Variants in CD99L2 observed in about 807,000 individuals in gnomAD.
The protein encoded by CD99L2 is CD99 antigen-like protein 2.
CD99L2 carries 24 observed loss-of-function variants against 27.3 expected under a neutral mutation model. That is an observed-to-expected ratio of 0.88 (90% CI 0.64 to 1.24). The LOEUF (loss-of-function observed/expected upper bound fraction) is 1.24, where lower values mean the gene tolerates loss of function less well. CD99L2 is among the 50% of genes most tolerant of loss of function. The pLI is 0.00. For synonymous variants in CD99L2, 97 were observed against 87.9 expected (o/e 1.10, Z -0.58); for missense variants, 255 against 221.6 (o/e 1.15, Z -0.96).
chrX:150,770,045 CGGACGAATCAAGGGCA>C (rs2043413385), intron 10 of CD99L2, among the ~76,000 whole-genome samples: 1 of 112,885 alleles, frequency 8.9e-6, no homozygotes, highest in South Asian at 3.6e-4. Context: ...CTGGCTCGGA[CGGACGAATCAAGGGCA>C]GGGGCCGAGC....
At chrX:150,885,696 G>C (rs917773900) in intron 1 of CD99L2, among the ~76,000 whole-genome samples, 1 of 111,911 alleles carries the variant, frequency 8.9e-6, no homozygotes, top group Non-Finnish European at 1.9e-5. Flanking sequence ...GTCTACCGGA[G>C]GGTATATAAT....
chrX:150,778,339 G>A (rs139754986), intron 7 of CD99L2, among the ~76,000 whole-genome samples: 25 of 109,704 alleles, frequency 2.3e-4, no homozygotes, highest in East Asian at 1.4e-3. Flanking sequence ...CCCAGAGCCC[G>A]GGGTTCTCAG....
chrX:150,803,543 T>C, intron 4 of CD99L2, among the ~76,000 whole-genome samples: 1 of 112,129 alleles, frequency 8.9e-6, no homozygotes, highest in Non-Finnish European at 1.9e-5. Flanking sequence ...GCTGAATTTA[T>C]AGTTATAGTA....
rs1402582920 is a variant in CD99L2, at chrX:150,768,840, C to G, written c.*194G>C. 1.1e-6 allele frequency: 1 copy of G among 944,541 alleles called. No individual in the cohort carries two copies. The highest frequency in any genetic ancestry group is 5.7e-5 in the Admixed American group (1 of 17,687). The allele number at this position is 944,541 out of a possible 1,213,427, so 77.8% of individuals were successfully genotyped here. ...CAGAGCTGGCTCTTGAATTTCGGCA[C>G]CAAGTCTCAGCACGCTTGGGGCAGG... On this transcript the variant is annotated 3_prime_UTR_variant, in exon 11 of 11. Coordinates refer to ENST00000370377, the MANE Select transcript of CD99L2 (RefSeq NM_031462.4).
At chrX:150,805,064 C>T (rs2045974136) in intron 4 of CD99L2, among the ~76,000 whole-genome samples, 1 of 111,203 alleles carries the variant, frequency 9.0e-6, no homozygotes, top group African/African-American at 3.3e-5. Flanking sequence ...TAAAACTCTA[C>T]TAAAAATACA....
intron 6 of CD99L2, among the ~76,000 whole-genome samples, chrX:150,794,968 A>G (rs1359465887): frequency 8.9e-6 from 1 of 112,891 alleles, no homozygotes; most frequent in Non-Finnish European, 1.9e-5. Flanking sequence ...ATTGATTAAT[A>G]AAGTCTTTCA....
At chrX:150,846,442 C>T (rs2046705015) in intron 1 of CD99L2, among the ~76,000 whole-genome samples, 1 of 111,002 alleles carries the variant, frequency 9.0e-6, no homozygotes, top group Non-Finnish European at 1.9e-5. Flanking sequence ...CTTAACAGCG[C>T]TATACCTCAG....
chrX:150,857,219 C>G (rs67074337), intron 1 of CD99L2, among the ~76,000 whole-genome samples: 1 of 111,096 alleles, frequency 9.0e-6, no homozygotes, highest in African/African-American at 3.3e-5. Flanking sequence ...ATGAAAACTT[C>G]CCATGCCTAG....
chrX:150,826,192 T>C (rs2046364628), intron 2 of CD99L2, among the ~76,000 whole-genome samples: 1 of 111,881 alleles, frequency 8.9e-6, no homozygotes, highest in East Asian at 2.8e-4. Context: ...TGCCAGCACC[T>C]TGATCTTGGA....
intron 7 of CD99L2, among the ~76,000 whole-genome samples, chrX:150,778,171 T>A (rs782589128): frequency 9.1e-6 from 1 of 109,733 alleles, no homozygotes; most frequent in African/African-American, 3.3e-5. Context: ...GAGAGTTAAA[T>A]TCACACACGC....
chrX:150,896,000 T>C (rs1418648186), intron 1 of CD99L2, among the ~76,000 whole-genome samples: 4 of 86,905 alleles, frequency 4.6e-5, no homozygotes, highest in African/African-American at 1.9e-4. Context: ...CACTCTAGTC[T>C]GGGCGACATA....
At chrX:150,831,156 G>T in intron 2 of CD99L2, 75 bp downstream of exon 2, 1 of 792,647 alleles carries the variant, frequency 1.3e-6, no homozygotes, top group East Asian at 3.2e-5. Flanking sequence ...TTTTTCTTGC[G>T]CATATATTCT....
rs782505419 is a variant in CD99L2 at position 150,861,994 on chromosome X, C to T, written c.68-30701G>A. Among the ~76,000 whole-genome samples the T allele has an allele frequency of 1.3e-4, 14 of 110,410 alleles. No homozygotes were observed. The East Asian group carries it at 3.7e-3, about 29-fold the overall frequency. ...AAAATCTAGAAGAAATGGATAAATT[C>T]CTGGACACATACACCCTCCTAAGAC... On this transcript the variant is annotated intron_variant, in intron 1 of 10. Coordinates refer to ENST00000370377, the MANE Select transcript of CD99L2 (RefSeq NM_031462.4).
chrX:150,888,240 A>G (rs1002189458), intron 1 of CD99L2, among the ~76,000 whole-genome samples: 2 of 112,000 alleles, frequency 1.8e-5, no homozygotes, highest in Non-Finnish European at 3.8e-5. Flanking sequence ...AAATGTCCAC[A>G]GCAGCACTAC....
At chrX:150,823,247 A>G (rs1324170244) in intron 2 of CD99L2, among the ~76,000 whole-genome samples, 1 of 111,811 alleles carries the variant, frequency 8.9e-6, no homozygotes. Context: ...ATAACAGAAT[A>G]CCTGAAACTG....
At position 150,767,680 on chromosome X, in the gene CD99L2, G is replaced by A. The variant is rs2043335306; in HGVS notation, c.*1354C>T. 1 of 112,038 alleles carries A rather than the reference G, an allele frequency of 8.9e-6. No homozygotes were observed. The highest frequency in any genetic ancestry group is 3.2e-5 in the African/African-American group (1 of 30,815). 9.2% of individuals were successfully genotyped at this position (112,038 alleles called of 1,213,427 possible). A position where few individuals can be genotyped will look rare whatever the true frequency, so the allele number is the denominator to read the frequency against. On this transcript the variant is annotated 3_prime_UTR_variant, in exon 11 of 11. Coordinates refer to ENST00000370377, the MANE Select transcript of CD99L2 (RefSeq NM_031462.4). ...TCAGTGGACAGCCTATGAAACGCAT[G>A]GGGCCATCATGCAGACCAAAGAGGC...
In CD99L2 at chrX:150,826,452, C is replaced by T. The variant is rs2046368974; in HGVS notation, c.130+4779G>A. 2.7e-5 allele frequency among the ~76,000 whole-genome samples: 3 copies of T among 110,866 alleles called. No individual in the cohort carries two copies. The South Asian group carries it at 1.2e-3, about 43-fold the overall frequency. On this transcript the variant is annotated intron_variant, in intron 2 of 10. Coordinates refer to ENST00000370377, the MANE Select transcript of CD99L2 (RefSeq NM_031462.4). Reference sequence around the variant, plus strand: ...GGACTCTGAAAGCAACATGGATGAGCCTTGAAAACATTACACTAAGTGAAA... The same window carrying T: ...GGACTCTGAAAGCAACATGGATGAGTCTTGAAAACATTACACTAAGTGAAA...
At chrX:150,799,675 A>G (rs1259074534) in intron 4 of CD99L2, among the ~76,000 whole-genome samples, 1 of 112,204 alleles carries the variant, frequency 8.9e-6, no homozygotes, top group African/African-American at 3.2e-5. Context: ...CTGCAATGAG[A>G]TACCAGTTTG....
At chrX:150,849,901 C>T (rs1557421559) in intron 1 of CD99L2, among the ~76,000 whole-genome samples, 1 of 111,203 alleles carries the variant, frequency 9.0e-6, no homozygotes, top group Non-Finnish European at 1.9e-5. Flanking sequence ...CATTACTAGG[C>T]CCACATCTGC....
Sources: allele counts gnomAD v4.1 joint callset (sites outside exome capture counted in the v4.1 genomes callset), GRCh38; gene constraint gnomAD v4.1.1; transcripts MANE v1.5; gene names NCBI Gene and HGNC (gene_info 2026-07-23, HGNC 2026-07-21).